The following DNAH11 variants were observed in gnomAD, a reference collection of about 807,000 sequenced individuals.
The protein encoded by DNAH11 is dynein axonemal heavy chain 11, also known as axonemal beta dynein heavy chain 11.
DNAH11 carries 442 observed loss-of-function variants against 526.0 expected under a neutral mutation model. The observed-to-expected ratio is 0.84, with a 90% CI of 0.78 to 0.91. DNAH11 has a LOEUF of 0.91. Among genes scored for constraint, DNAH11 ranks in the 40% least tolerant of loss-of-function variants. DNAH11 has a pLI of 0.00. For synonymous variants in DNAH11, 2,461 were observed against 1,935.9 expected (o/e 1.27, Z -7.12); for missense variants, 6,989 against 5,448.7 (o/e 1.28, Z -8.90).
chr7:21,819,233 C>T (rs1404454735), intron 65 of DNAH11, among the ~76,000 whole-genome samples: 1 of 152,100 alleles, frequency 6.6e-6, no homozygotes, highest in Non-Finnish European at 1.5e-5. Flanking sequence ...CGCCCACGCT[C>T]TGCCTCTAAG....
At chr7:21,578,509 C>T (rs558517186) in intron 8 of DNAH11, among the ~76,000 whole-genome samples, 50 of 152,304 alleles carry the variant, frequency 3.3e-4, no homozygotes, top group African/African-American at 1.1e-3. Flanking sequence ...GTGCCTGCAG[C>T]TTTTCCAGGT....
chr7:21,852,407 A>AAG, intron 66 of DNAH11, 60 bp from the exon 67 acceptor site: 4 of 1,005,908 alleles, frequency 4.0e-6, no homozygotes, highest in Non-Finnish European at 5.1e-6. Context: ...ACTTCCTCTA[A>AAG]AAAAAAAAAA....
intron 52 of DNAH11, 38 bp downstream of exon 52, chr7:21,748,780 G>T: frequency 5.7e-6 from 9 of 1,577,196 alleles, no homozygotes; most frequent in Non-Finnish European, 7.8e-6. Flanking sequence ...TGACCCTTCT[G>T]CTTGGCAGAT....
chr7:21,646,226 A>G (rs1238916649), intron 28 of DNAH11, among the ~76,000 whole-genome samples: 8 of 152,228 alleles, frequency 5.3e-5, no homozygotes, highest in African/African-American at 1.9e-4. Context: ...CCACAACAAG[A>G]TGAGATAACA....
chr7:21,735,944 G>A, intron 46 of DNAH11, 100 bp downstream of exon 46: 1 of 1,134,208 alleles, frequency 8.8e-7, no homozygotes, highest in Admixed American at 2.5e-5. Flanking sequence ...CTAGAATTTA[G>A]AGTTGTTGCT....
intron 68 of DNAH11, among the ~76,000 whole-genome samples, chr7:21,861,374 C>T (rs1487193871): frequency 3.3e-5 from 5 of 152,158 alleles, no homozygotes; most frequent in African/African-American, 7.2e-5. Flanking sequence ...CAAGTAAAAC[C>T]TACTCCCCCA....
intron 58 of DNAH11, among the ~76,000 whole-genome samples, chr7:21,785,162 G>T (rs1462459187): frequency 6.6e-6 from 1 of 152,126 alleles, no homozygotes; most frequent in Non-Finnish European, 1.5e-5. Context: ...CAGACCTCTG[G>T]GGAGAGCTCA....
intron 55 of DNAH11, among the ~76,000 whole-genome samples, chr7:21,768,987 G>A (rs1466726577): frequency 6.6e-6 from 1 of 151,930 alleles, no homozygotes; most frequent in African/African-American, 2.4e-5. Context: ...AAAACTTAAA[G>A]TATAATAATT....
At chr7:21,621,886 G>A (rs978388733) in intron 25 of DNAH11, among the ~76,000 whole-genome samples, 3 of 152,066 alleles carry the variant, frequency 2.0e-5, no homozygotes, top group African/African-American at 7.3e-5. Flanking sequence ...AAAACTGGAA[G>A]CATTCCCTTT....
At chr7:21,829,745 A>G (rs987629454) in intron 65 of DNAH11, among the ~76,000 whole-genome samples, 3 of 152,220 alleles carry the variant, frequency 2.0e-5, no homozygotes, top group Non-Finnish European at 4.4e-5. Flanking sequence ...TCGTTTTCAG[A>G]TGAAGATTTT....
chr7:21,771,785 A>C (rs937001800), intron 55 of DNAH11, among the ~76,000 whole-genome samples: 1 of 152,104 alleles, frequency 6.6e-6, no homozygotes, highest in South Asian at 2.1e-4. Flanking sequence ...AAAATACAGC[A>C]TTGCGTAGCC....
chr7:21,863,577 C>G (rs1783157947), intron 69 of DNAH11, among the ~76,000 whole-genome samples: 1 of 152,162 alleles, frequency 6.6e-6, no homozygotes, highest in South Asian at 2.1e-4. Context: ...CTGCCCGCCT[C>G]TGCCTCCGAA....
In DNAH11 at chr7:21,794,886, C is replaced by T. The variant is rs147728504; in HGVS notation, c.10026+5544C>T. On this transcript the variant is annotated intron_variant, in intron 61 of 81. Coordinates refer to ENST00000409508, the MANE Select transcript of DNAH11 (RefSeq NM_001277115.2). ...CTCACTTTCTCCAGTGTAGGAACTACGAGTCTGGGGGGCATTTTCTACGTG... is the reference window on the plus strand; with the variant it reads ...CTCACTTTCTCCAGTGTAGGAACTATGAGTCTGGGGGGCATTTTCTACGTG... Among the ~76,000 whole-genome samples the T allele has an allele frequency of 7.2e-3, 1,097 of 152,224 alleles. 13 individuals carry two copies. Among genetic ancestry groups the T allele is most frequent in the African/African-American group, 0.021 (866 of 41,518 alleles).
chr7:21,866,627 G>T lies in DNAH11; in HGVS notation c.11654G>T (p.Arg3885Ile), dbSNP rs772385542. The part of the protein sequence containing the change: ...KSLIQKLILL[R>I]AMRPDRMTYA... ...TTAATACAGAAGCTGATTCTTCTGA[G>T]AGCAATGCGCCCTGACAGAATGACG... Residue 3885 changes from arginine (R) to isoleucine (I), a missense_variant, in exon 71 of 82, where the codon AGA becomes ATA. By Grantham distance (97) the Arg-to-Ile change is moderately conservative. Coordinates refer to ENST00000409508, the MANE Select transcript of DNAH11 (RefSeq NM_001277115.2). 16 of 1,613,714 alleles carry T rather than the reference G, an allele frequency of 9.9e-6. No homozygotes were observed. Among genetic ancestry groups the T allele is most frequent in the Non-Finnish European group, 1.4e-5 (16 of 1,179,800 alleles).
chr7:21,620,958 C>G (rs1047457509), intron 25 of DNAH11, among the ~76,000 whole-genome samples: 1 of 152,114 alleles, frequency 6.6e-6, no homozygotes, highest in African/African-American at 2.4e-5. Flanking sequence ...TTAATCCAGT[C>G]TATCCTCGTT....
At chr7:21,789,808 T>TTTTCTTTCTTTCTTTCTTTCTTTCTTTC (rs1554281335) in intron 61 of DNAH11, among the ~76,000 whole-genome samples, 10 of 34,084 alleles carry the variant, frequency 2.9e-4, no homozygotes, top group East Asian at 1.9e-3. Context: ...TTTCTTTCTT[T>TTTTCTTTCTTTCTTTCTTTCTTTCTTTC]TTTCTTTCTT....
chr7:21,618,641 A>T (rs1220718104), intron 23 of DNAH11, among the ~76,000 whole-genome samples: 1 of 152,166 alleles, frequency 6.6e-6, no homozygotes, highest in Non-Finnish European at 1.5e-5. Flanking sequence ...TTGCCAATGA[A>T]CTGAGATTAA....
intron 49 of DNAH11, among the ~76,000 whole-genome samples, chr7:21,743,358 G>C (rs1220492468): frequency 6.6e-6 from 1 of 152,190 alleles, no homozygotes; most frequent in East Asian, 1.9e-4. Context: ...AAATTACCTT[G>C]CTTACCTGGT....
At chr7:21,582,189 T>A (rs1784335626) in intron 9 of DNAH11, among the ~76,000 whole-genome samples, 168 bp downstream of exon 9, 1 of 152,220 alleles carries the variant, frequency 6.6e-6, no homozygotes, top group African/African-American at 2.4e-5. Flanking sequence ...TACTAATGAA[T>A]AATGACACTT....
Sources: allele counts gnomAD v4.1 joint callset (sites outside exome capture counted in the v4.1 genomes callset), GRCh38; gene constraint gnomAD v4.1.1; transcripts MANE v1.5; gene names NCBI Gene and HGNC (gene_info 2026-07-23, HGNC 2026-07-21).